Variants in CRISPLD1 observed in about 807,000 individuals in gnomAD.
The protein encoded by CRISPLD1 is cysteine rich secretory protein LCCL domain containing 1.
CRISPLD1 carries 60 observed loss-of-function variants against 77.5 expected under a neutral mutation model. The observed-to-expected ratio is 0.77, with a 90% CI of 0.63 to 0.96. CRISPLD1 has a LOEUF of 0.96. CRISPLD1 is among the 40% of genes least tolerant of loss of function. CRISPLD1 has a pLI of 0.00. For synonymous variants in CRISPLD1, 195 were observed against 200.1 expected (o/e 0.97, Z 0.22); for missense variants, 623 against 615.8 (o/e 1.01, Z -0.12).
chr8:75,019,656 A>T (rs937493188), intron 10 of CRISPLD1, among the ~76,000 whole-genome samples: 1 of 152,076 alleles, frequency 6.6e-6, no homozygotes, highest in Non-Finnish European at 1.5e-5. Context: ...TAATGAAAAG[A>T]GATTACCGGA....
chr8:74,994,679 G>T (rs1041140584), intron 2 of CRISPLD1, among the ~76,000 whole-genome samples: 5 of 152,076 alleles, frequency 3.3e-5, no homozygotes, highest in African/African-American at 7.2e-5. Flanking sequence ...CTTAAAAACA[G>T]AAAATGAGAA....
At chr8:75,016,543 C>A in intron 6 of CRISPLD1, 22 bp from the exon 7 acceptor site, 3 of 1,590,454 alleles carry the variant, frequency 1.9e-6, no homozygotes, top group South Asian at 1.1e-5. Context: ...TTAATATTTC[C>A]TAAATCTGCT....
At chr8:75,008,408 G>A (rs1812871682) in intron 2 of CRISPLD1, among the ~76,000 whole-genome samples, 1 of 152,118 alleles carries the variant, frequency 6.6e-6, no homozygotes, top group South Asian at 2.1e-4. Context: ...ACACTTAATG[G>A]GGTGGGTAGA....
intron 6 of CRISPLD1, 51 bp downstream of exon 6, chr8:75,014,963 C>A: frequency 8.1e-7 from 1 of 1,229,754 alleles, no homozygotes; most frequent in Non-Finnish European, 1.1e-6. Context: ...TTTAATCCAG[C>A]TCCTGCATTA....
Position 75,034,027 on chromosome 8 carries a change from C to A in CRISPLD1, c.*1785C>A, listed in dbSNP as rs1813402523. 1 of 152,004 alleles carries A rather than the reference C, an allele frequency of 6.6e-6. No individual in the cohort carries two copies. The highest frequency in any genetic ancestry group is 2.4e-5 in the African/African-American group (1 of 41,454). 9.4% of individuals were successfully genotyped at this position (152,004 alleles called of 1,614,324 possible). On this transcript the variant is annotated 3_prime_UTR_variant, in exon 15 of 15. Transcript: ENST00000262207. ...TCTTCTATTTGCCCTTAGTTTAGAT[C>A]TCCATCATCAATTCCACTTACTATT... is the stretch of plus-strand genomic sequence containing the variant.
chr8:75,012,543 C>G lies in CRISPLD1; in HGVS notation c.369C>G (p.His123Gln). The change falls in exon 3 of 15, where the codon CAC (histidine) becomes CAG (glutamine). Residue 123 changes from histidine (H) to glutamine (Q), a missense_variant. By Grantham distance (24) the His-to-Gln change is conservative. Coordinates refer to ENST00000262207, the MANE Select transcript of CRISPLD1 (RefSeq NM_031461.6). ...CAATTGGACAGAATTTGGGAGCACACTGGGGAAGGTATCTTAAAGCACAAC... is the reference window on the plus strand; with the variant it reads ...CAATTGGACAGAATTTGGGAGCACAGTGGGGAAGGTATCTTAAAGCACAAC... ...LPSIGQNLGA[H>Q]WGRYRPPTFH... is the part of the protein sequence containing the mutation. The G allele has an allele frequency of 6.3e-7, 1 of 1,593,998 alleles. No homozygotes were observed.
At chr8:74,990,807 G>A (rs1812561673) in intron 2 of CRISPLD1, among the ~76,000 whole-genome samples, 1 of 148,890 alleles carries the variant, frequency 6.7e-6, no homozygotes, top group South Asian at 2.1e-4. Context: ...TGGGCACATC[G>A]TTAACTTTTT....
chr8:75,033,207 A>G lies in CRISPLD1; in HGVS notation c.*965A>G, dbSNP rs1364781204. The G allele has an allele frequency of 6.6e-6, 1 of 152,260 alleles. No homozygotes were observed. The highest frequency in any genetic ancestry group is 1.9e-4 in the East Asian group (1 of 5,190). 9.4% of individuals were successfully genotyped at this position (152,260 alleles called of 1,614,324 possible). ...GTGCTTTGATACTAAAAATCTGTAA[A>G]ATGTTAGTTTTGGTAATTTTTTTTC... On this transcript the variant is annotated 3_prime_UTR_variant, in exon 15 of 15. Coordinates refer to ENST00000262207, the MANE Select transcript of CRISPLD1 (RefSeq NM_031461.6).
chr8:75,012,678 A>G, intron 3 of CRISPLD1, 127 bp downstream of exon 3: 1 of 832,818 alleles, frequency 1.2e-6, no homozygotes, highest in Non-Finnish European at 1.9e-6. Context: ...AACAAGTAAC[A>G]AAAAATAAAT....
In CRISPLD1 at chr8:74,986,164, C is replaced by G. The variant is rs1407235039; in HGVS notation, c.177C>G (p.Asp59Glu). 1.1e-5 allele frequency: 17 copies of G among 1,614,054 alleles called. 1 individual carries two copies. The highest frequency in any genetic ancestry group is 1.4e-5 in the Non-Finnish European group (17 of 1,179,980). The change falls in exon 2 of 15, where the codon GAC becomes GAG. Residue 59 changes from aspartate (D) to glutamate (E), a missense_variant. Transcript: ENST00000262207. ...AKQRGKRAIT[D>E]NDMQSILDLH... ...AACGAGGGAAAAGGGCCATCACAGA[C>G]AATGACATGCAGAGTATTTTGGACC...
At chr8:74,996,496 T>C (rs1812647428) in intron 2 of CRISPLD1, among the ~76,000 whole-genome samples, 1 of 151,904 alleles carries the variant, frequency 6.6e-6, no homozygotes. Flanking sequence ...ATTGGGTAGT[T>C]GGAGAAGGCT....
chr8:75,013,972 A>C lies in CRISPLD1; in HGVS notation c.511-15A>C. 1 of 1,579,592 alleles carries C rather than the reference A, an allele frequency of 6.3e-7. No homozygotes were observed. Among genetic ancestry groups the C allele is most frequent in the Non-Finnish European group, 8.7e-7 (1 of 1,149,970 alleles). On this transcript the variant is annotated splice_polypyrimidine_tract_variant and intron_variant, in intron 4 of 14. Transcript: ENST00000262207. ...TCAGCCTGCTTTTTCTGAGCCTTTC[A>C]TTTTTCTAACATAGGTCGTGTGGGC... is the stretch of plus-strand genomic sequence containing the variant.
chr8:75,003,523 C>T (rs1376246120), intron 2 of CRISPLD1, among the ~76,000 whole-genome samples: 3 of 151,942 alleles, frequency 2.0e-5, no homozygotes, highest in Non-Finnish European at 2.9e-5. Context: ...AATGAGTTTT[C>T]CTATCATGCA....
chr8:75,008,821 T>A (rs974140985), intron 2 of CRISPLD1, among the ~76,000 whole-genome samples: 1 of 152,148 alleles, frequency 6.6e-6, no homozygotes, highest in African/African-American at 2.4e-5. Context: ...CTCAAAGTGA[T>A]CGGAGTTACC....
chr8:75,012,149 G>A (rs1812943035), intron 2 of CRISPLD1, among the ~76,000 whole-genome samples: 3 of 152,120 alleles, frequency 2.0e-5, no homozygotes, highest in South Asian at 4.1e-4. Flanking sequence ...ATGGGGATTT[G>A]TTTTATGTGT....
rs1813194754 is a variant in CRISPLD1, at chr8:75,024,290, GAGGA to G, written c.1245-1254_1245-1251del. Among the ~76,000 whole-genome samples the G allele has an allele frequency of 2.0e-5, 3 of 151,620 alleles. No homozygotes were observed. The South Asian group carries it at 6.2e-4, about 32-fold the overall frequency. On this transcript the variant is annotated intron_variant, in intron 12 of 14. Transcript: ENST00000262207. Reference sequence around the variant, plus strand: ...GGAAGCCACTGGAATATTTGGAGCAGAGGAATGATGTGTTTGGACTTGTACATTT... The same window carrying G: ...GGAAGCCACTGGAATATTTGGAGCAGATGATGTGTTTGGACTTGTACATTT...
intron 2 of CRISPLD1, chr8:75,000,226 C>T (rs1394988668): frequency 2.1e-5 from 21 of 985,064 alleles, no homozygotes; most frequent in South Asian, 9.4e-5. Context: ...TTGGTCAAGA[C>T]GTGTCAAATC....
chr8:75,007,215 T>C (rs928457376), intron 2 of CRISPLD1, among the ~76,000 whole-genome samples: 3 of 152,182 alleles, frequency 2.0e-5, no homozygotes, highest in African/African-American at 7.2e-5. Flanking sequence ...AGAGTATTAA[T>C]TTACTATGGT....
intron 12 of CRISPLD1, among the ~76,000 whole-genome samples, chr8:75,022,807 C>A (rs1813161094): frequency 6.6e-6 from 1 of 151,806 alleles, no homozygotes; most frequent in Non-Finnish European, 1.5e-5. Flanking sequence ...CTTGAAGAAA[C>A]AAGATTCCTG....
Sources: gnomAD v4.1 joint callset for allele counts (sites outside exome capture counted in the v4.1 genomes callset) on GRCh38, gnomAD v4.1.1 for gene constraint, MANE v1.5 for transcripts, NCBI Gene and HGNC (gene_info 2026-07-23, HGNC 2026-07-21) for gene names.